PP2D1: variants seen among roughly 807,000 people sequenced by gnomAD.
PP2D1 encodes protein phosphatase 2C like domain containing 1.
In PP2D1, 25 loss-of-function variants were observed where a neutral mutation model predicts 30.2. The observed-to-expected ratio is 0.83, with a 90% CI of 0.60 to 1.16. The LOEUF is 1.16. PP2D1 is among the 50% of genes most tolerant of loss of function. The pLI is 0.00. For missense variants in PP2D1, 760 were observed against 742.4 expected, an observed-to-expected ratio of 1.02 and a Z score of -0.28; for synonymous variants, 260 against 258.9, an observed-to-expected ratio of 1.00 and a Z score of -0.04.
chr3:20,004,829 G>C (rs1441815224), intron 1 of PP2D1, among the ~76,000 whole-genome samples: 1 of 152,144 alleles, frequency 6.6e-6, no homozygotes, highest in Non-Finnish European at 1.5e-5. Flanking sequence ...AAAGTTAGCT[G>C]GGTGCAGTGG....
At chr3:20,002,134 A>G (rs1697264881) in intron 1 of PP2D1, 38 bp from the exon 2 acceptor site, 2 of 1,353,964 alleles carry the variant, frequency 1.5e-6, no homozygotes, top group Non-Finnish European at 2.0e-6. Flanking sequence ...TGCCAGGATG[A>G]TGCAGCGAAA....
Position 20,001,029 on chromosome 3 carries a change from C to T in PP2D1, c.1090+1G>A. ...TATTTGGTGCTATTCAATGTACATA[C>T]CAGTGTTTGCAACATGTAATATTCC... is the stretch of plus-strand genomic sequence containing the variant. On this transcript the variant is annotated splice_donor_variant, in intron 2 of 2. Coordinates refer to ENST00000389050, the MANE Select transcript of PP2D1 (RefSeq NM_001252657.2). LOFTEE classifies it high-confidence loss of function. 1.4e-6 allele frequency: 2 copies of T among 1,385,350 alleles called. No individual in the cohort carries two copies. Among genetic ancestry groups the T allele is most frequent in the Non-Finnish European group, 1.9e-6 (2 of 1,069,532 alleles). The allele number at this position is 1,385,350 out of a possible 1,614,324, so 85.8% of individuals were successfully genotyped here. A position where few individuals can be genotyped will look rare whatever the true frequency, so the allele number is the denominator to read the frequency against.
At chr3:19,994,421 A>C (rs1043251838) in intron 2 of PP2D1, among the ~76,000 whole-genome samples, 3 of 152,192 alleles carry the variant, frequency 2.0e-5, no homozygotes, top group Non-Finnish European at 4.4e-5. Flanking sequence ...ACTTGAGTCC[A>C]AGAGTTCGAG....
intron 2 of PP2D1, among the ~76,000 whole-genome samples, chr3:19,999,344 C>T (rs1697222119): frequency 6.6e-6 from 1 of 152,076 alleles, no homozygotes; most frequent in Non-Finnish European, 1.5e-5. Context: ...TCCCAAAATG[C>T]TGGTTACAGG....
At chr3:20,005,620 A>G (rs1697309576) in intron 1 of PP2D1, among the ~76,000 whole-genome samples, 1 of 152,218 alleles carries the variant, frequency 6.6e-6, no homozygotes. Flanking sequence ...TCTCAGACAC[A>G]TAATAGATAT....
At chr3:19,995,213 A>G (rs1697166694) in intron 2 of PP2D1, among the ~76,000 whole-genome samples, 1 of 152,182 alleles carries the variant, frequency 6.6e-6, no homozygotes, top group African/African-American at 2.4e-5. Context: ...ATGTGTTCTT[A>G]TTGGCAAAAA....
intron 1 of PP2D1, 147 bp from the exon 2 acceptor site, chr3:20,002,243 A>G: frequency 1.6e-6 from 1 of 616,248 alleles, no homozygotes; most frequent in South Asian, 2.1e-5. Flanking sequence ...TTCTCAAAAA[A>G]CATGTAAGTA....
chr3:19,983,309 C>G (rs949533393), downstream of PP2D1, among the ~76,000 whole-genome samples: 7 of 132,378 alleles, frequency 5.3e-5, no homozygotes, highest in Admixed American at 1.7e-4. Flanking sequence ...GCACTCCAGC[C>G]TAGGTGAGCC....
At chr3:19,981,490 TG>T (rs1559493795), downstream of PP2D1, among the ~76,000 whole-genome samples, 1 of 152,050 alleles carries the variant, frequency 6.6e-6, no homozygotes, top group Non-Finnish European at 1.5e-5. Flanking sequence ...GGTATGTGCC[TG>T]TAGTCCCAGC....
chr3:19,998,415 C>A (rs2125142847), intron 2 of PP2D1, among the ~76,000 whole-genome samples: 1 of 151,584 alleles, frequency 6.6e-6, no homozygotes, highest in South Asian at 2.1e-4. Flanking sequence ...CTATAGTTAA[C>A]AATAATTCAC....
chr3:19,993,038 C>CAAAAGA (rs1452797948), intron 2 of PP2D1, among the ~76,000 whole-genome samples: 1 of 151,804 alleles, frequency 6.6e-6, no homozygotes, highest in African/African-American at 2.4e-5. Flanking sequence ...AACCTCATCT[C>CAAAAGA]AAAAGAAAAA....
At chr3:20,002,883 A>G (rs900338340) in intron 1 of PP2D1, among the ~76,000 whole-genome samples, 2 of 151,922 alleles carry the variant, frequency 1.3e-5, no homozygotes, top group African/African-American at 2.4e-5. Flanking sequence ...GTGAAACCCC[A>G]TCTCTACTGA....
At chr3:20,010,742 C>T (rs996549699) in intron 1 of PP2D1, among the ~76,000 whole-genome samples, 5 of 151,978 alleles carry the variant, frequency 3.3e-5, no homozygotes, top group Admixed American at 1.3e-4. Flanking sequence ...GCGGAGGTTG[C>T]GGTGAGCCAA....
chr3:20,011,421 G>A (rs1237070361), intron 1 of PP2D1, among the ~76,000 whole-genome samples: 1 of 152,000 alleles, frequency 6.6e-6, no homozygotes, highest in African/African-American at 2.4e-5. Flanking sequence ...TCCATACGCC[G>A]GGGACAGCCA....
At chr3:20,010,546 A>C (rs1326588020) in intron 1 of PP2D1, among the ~76,000 whole-genome samples, 1 of 151,980 alleles carries the variant, frequency 6.6e-6, no homozygotes, top group Non-Finnish European at 1.5e-5. Flanking sequence ...CTCATGCTGT[A>C]ATTCCAGCAC....
At chr3:19,993,428 G>C (rs989153348) in intron 2 of PP2D1, among the ~76,000 whole-genome samples, 1 of 152,118 alleles carries the variant, frequency 6.6e-6, no homozygotes, top group Non-Finnish European at 1.5e-5. Flanking sequence ...GTATTGAGCC[G>C]AATCCACGTT....
At chr3:19,999,545 AT>A (rs35816290) in intron 2 of PP2D1, among the ~76,000 whole-genome samples, 26,736 of 139,392 alleles carry the variant, frequency 0.19, 2,315 homozygotes, top group South Asian at 0.22. Flanking sequence ...CGCCTGGCTA[AT>A]TTTTTTTTTT....
intron 1 of PP2D1, among the ~76,000 whole-genome samples, chr3:20,006,766 C>T (rs1697322661): frequency 6.6e-6 from 1 of 151,724 alleles, no homozygotes; most frequent in Non-Finnish European, 1.5e-5. Context: ...TGCATCGGCC[C>T]TCCCGTATAC....
Position 20,001,823 on chromosome 3 carries a change from C to T in PP2D1, c.297G>A (p.Lys99=). The T allele has an allele frequency of 2.6e-6, 4 of 1,535,348 alleles. No individual in the cohort carries two copies. Among genetic ancestry groups the T allele is most frequent in the East Asian group, 2.4e-5 (1 of 40,914 alleles). ...CAGCAATCACTGAGGGCTGTGGTTT[C>T]TTTCTACCCATCCATTGGAAACCCA... is the stretch of plus-strand genomic sequence containing the variant. ...ATLGFQWMGR[K]KPQPSVIAVQ... The change falls in exon 2 of 3, where the codon AAG becomes AAA. Residue 99 remains lysine, a synonymous_variant. Coordinates refer to ENST00000389050, the MANE Select transcript of PP2D1 (RefSeq NM_001252657.2).
Sources: allele counts gnomAD v4.1 joint callset (sites outside exome capture counted in the v4.1 genomes callset), GRCh38; gene constraint gnomAD v4.1.1; transcripts MANE v1.5; gene names NCBI Gene and HGNC (gene_info 2026-07-23, HGNC 2026-07-21).